The following PEX5 variants were observed in gnomAD, a reference collection of about 807,000 sequenced individuals.
The protein encoded by PEX5 is PTS1 receptor.
Under a neutral mutation model 82.9 loss-of-function variants are expected in PEX5, and 52 were observed. The observed-to-expected ratio is 0.63, with a 90% CI of 0.50 to 0.79. PEX5 has a LOEUF of 0.79. Ranked by LOEUF, PEX5 falls within the 30% of genes least tolerant of loss-of-function variation. The pLI, the probability that PEX5 is intolerant of heterozygous loss-of-function variation, is 0.00. For missense variants in PEX5, 719 were observed against 815.2 expected (o/e 0.88, Z 1.44); for synonymous variants, 300 against 318.8 (o/e 0.94, Z 0.63).
At chr12:7,188,858 A>T (rs144220070), upstream of PEX5, 2 of 152,474 alleles carry the variant, frequency 1.3e-5, no homozygotes, top group African/African-American at 2.4e-5. Flanking sequence ...GTTTGACAGC[A>T]GAGCACACTC....
intron 15 of PEX5, 34 bp downstream of exon 15, chr12:7,209,874 C>A: frequency 6.2e-7 from 1 of 1,612,842 alleles, no homozygotes; most frequent in East Asian, 2.2e-5. Flanking sequence ...AATGAATGAG[C>A]TTTTTCTCCC....
At chr12:7,195,572 A>T (rs1591673237) in intron 5 of PEX5, among the ~76,000 whole-genome samples, 1 of 148,064 alleles carries the variant, frequency 6.8e-6, no homozygotes, top group Admixed American at 6.7e-5. Flanking sequence ...TTAAGTCCTC[A>T]TGTCTGTTGT....
chr12:7,193,190 A>G (rs1052052207), intron 5 of PEX5, among the ~76,000 whole-genome samples: 1 of 152,098 alleles, frequency 6.6e-6, no homozygotes, highest in Non-Finnish European at 1.5e-5. Flanking sequence ...TCATTGAATA[A>G]TAGAGATGAT....
intron 17 of PEX5, among the ~76,000 whole-genome samples, chr12:7,216,763 T>TAATC (rs1945792043): frequency 6.6e-6 from 1 of 152,224 alleles, no homozygotes; most frequent in African/African-American, 2.4e-5. Flanking sequence ...ACGTGACTAT[T>TAATC]AATCACTAGC....
At position 7,203,630 on chromosome 12, in the gene PEX5, G is replaced by T. The variant is rs754628006; in HGVS notation, c.966+79G>T. The T allele has an allele frequency of 2.5e-4, 352 of 1,425,606 alleles. 1 individual carries two copies. In the African/African-American group the frequency reaches 4.7e-3, roughly 19 times the overall value. The allele number at this position is 1,425,606 out of a possible 1,614,324, so 88.3% of individuals were successfully genotyped here. On this transcript the variant is annotated intron_variant, in intron 10 of 15. Coordinates refer to ENST00000675855, the MANE Select transcript of PEX5 (RefSeq NM_001351132.2). ...TCTTTCCTTTAATCCTGAATTTGAA[G>T]GGTGCTTTTAAGTATTTTCTTGAGT...
chr12:7,202,573 G>T, intron 8 of PEX5, 39 bp from the exon 9 acceptor site: 1 of 1,558,338 alleles, frequency 6.4e-7, no homozygotes, highest in South Asian at 1.1e-5. Context: ...TGGATAGAAA[G>T]TTGGTGGTAG....
rs1371621110 is a variant in PEX5, at chr12:7,197,289, TTA to T, written c.449-1716_449-1715del. Among the ~76,000 whole-genome samples, 238 of 134,758 alleles carry T rather than the reference TTA, an allele frequency of 1.8e-3. 37 individuals carry two copies. The highest frequency in any genetic ancestry group is 8.6e-3 in the Middle Eastern group (1 of 116). The allele number at this position is 134,758 out of a possible 152,430, so 88.4% of individuals were successfully genotyped here. A position where few individuals can be genotyped will look rare whatever the true frequency, so the allele number is the denominator to read the frequency against. ...ATATATGTCATATATAATGTAATAA[TTA>T]TATATGTCATATATAATGTAATCAT... On this transcript the variant is annotated intron_variant, in intron 5 of 15. Coordinates refer to ENST00000675855, the MANE Select transcript of PEX5 (RefSeq NM_001351132.2).
intron 5 of PEX5, among the ~76,000 whole-genome samples, chr12:7,198,735 T>A (rs758921461): frequency 6.4e-4 from 98 of 152,334 alleles, no homozygotes; most frequent in African/African-American, 2.2e-3. Context: ...AAAAAGAGTT[T>A]GGTTCTTAAT....
In PEX5 at chr12:7,194,030, T is replaced by G. The variant is rs1163178045; in HGVS notation, c.448+2330T>G. On this transcript the variant is annotated intron_variant, in intron 5 of 15. Transcript: ENST00000675855. ...GGCCTCTGGTATTGAATGAATGAAT[T>G]GAGATCTGGGAGAAAAAGCTAAAGG... Among the ~76,000 whole-genome samples the G allele has an allele frequency of 2.0e-5, 3 of 152,198 alleles. No individual in the cohort carries two copies. In the East Asian group the frequency reaches 5.8e-4, roughly 29 times the overall value.
chr12:7,204,549 G>A (rs995250972), intron 10 of PEX5, among the ~76,000 whole-genome samples: 2 of 152,162 alleles, frequency 1.3e-5, no homozygotes, highest in Non-Finnish European at 2.9e-5. Flanking sequence ...AGACAGCTGG[G>A]ACCTTGCCAT....
chr12:7,218,106 A>T (rs7969751), intron 17 of PEX5, among the ~76,000 whole-genome samples: 44,417 of 151,876 alleles, frequency 0.29, 6,862 homozygotes, highest in South Asian at 0.37. Context: ...GGAGATGGAG[A>T]GAGAAGAAAT....
rs765907654 is a variant in PEX5 at position 7,210,032 on chromosome 12, G to A, written c.1729G>A (p.Glu577Lys). The A allele has an allele frequency of 1.2e-6, 2 of 1,614,178 alleles. No homozygotes were observed. The highest frequency in any genetic ancestry group is 1.1e-5 in the South Asian group (1 of 91,088). The change falls in exon 16 of 16, where the codon GAG (glutamate) becomes AAG (lysine). Residue 577 changes from glutamate (E) to lysine (K), a missense_variant. By Grantham distance (56) the Glu-to-Lys change is moderately conservative. Transcript: ENST00000675855. ...INLGAHREAV[E>K]HFLEALNMQR... The stretch of plus-strand genomic sequence containing the variant: ...TCTTCTTCCTTACAGGGAGGCTGTG[G>A]AGCACTTTCTGGAGGCCCTGAACAT...
intron 5 of PEX5, among the ~76,000 whole-genome samples, chr12:7,197,173 T>A (rs868370611): frequency 1.1e-4 from 8 of 70,560 alleles, no homozygotes; most frequent in Admixed American, 7.5e-4. Flanking sequence ...ATAATGTAAT[T>A]ATATATGTCA....
Position 7,209,834 on chromosome 12 carries a change from C to T in PEX5, c.1712C>T (p.Ala571Val). The change falls in exon 15 of 16, where the codon GCT (alanine) becomes GTT (valine). Residue 571 changes from alanine (A) to valine (V), a missense_variant. By Grantham distance (64) the Ala-to-Val change is moderately conservative. Transcript: ENST00000675855. ...NLGISCINLG[A>V]HREAVEHFLE... Reference sequence around the variant, plus strand: ...GGCATCAGCTGCATCAACCTCGGGGCTCACCGGTGAGAGTATCTATTGAGA... The same window carrying T: ...GGCATCAGCTGCATCAACCTCGGGGTTCACCGGTGAGAGTATCTATTGAGA... The T allele has an allele frequency of 1.2e-6, 2 of 1,614,226 alleles. No homozygotes were observed. Among genetic ancestry groups the T allele is most frequent in the Non-Finnish European group, 1.7e-6 (2 of 1,180,030 alleles).
chr12:7,191,408 G>A, intron 4 of PEX5, 50 bp downstream of exon 4: 1 of 1,612,454 alleles, frequency 6.2e-7, no homozygotes, highest in Non-Finnish European at 8.5e-7. Flanking sequence ...TGTAGCCAGG[G>A]CCAAGGAAGG....
chr12:7,214,269 C>T (rs752082293), downstream of PEX5, among the ~76,000 whole-genome samples: 14 of 152,078 alleles, frequency 9.2e-5, no homozygotes, highest in East Asian at 2.3e-3. Context: ...AAGACGCACA[C>T]GTATGTTTAT....
At position 7,210,260 on chromosome 12, in the gene PEX5, G is replaced by C. The variant is rs771588014; in HGVS notation, c.*37G>C. 6.3e-7 allele frequency: 1 copy of C among 1,591,910 alleles called. No individual in the cohort carries two copies. The highest frequency in any genetic ancestry group is 1.3e-5 in the African/African-American group (1 of 74,466). ...GCTGCCCTGTGAGTGTCCACCTGGAGGGATCCCCGCTTTGGATGTGATTCC... is the reference window on the plus strand; with the variant it reads ...GCTGCCCTGTGAGTGTCCACCTGGACGGATCCCCGCTTTGGATGTGATTCC... On this transcript the variant is annotated 3_prime_UTR_variant, in exon 16 of 16. Coordinates refer to ENST00000675855, the MANE Select transcript of PEX5 (RefSeq NM_001351132.2).
At chr12:7,190,830 A>G (rs1424056574) in intron 2 of PEX5, 58 bp from the exon 3 acceptor site, 43 of 1,540,144 alleles carry the variant, frequency 2.8e-5, no homozygotes, top group Non-Finnish European at 3.7e-5. Context: ...TATGGGCTTC[A>G]TCAACCCCTG....
rs1446059699 is a variant in PEX5, at chr12:7,203,518, C to T, written c.933C>T (p.Asp311=). 3 of 1,613,942 alleles carry T rather than the reference C, an allele frequency of 1.9e-6. No homozygotes were observed. Among genetic ancestry groups the T allele is most frequent in the Non-Finnish European group, 1.7e-6 (2 of 1,179,958 alleles). ...RDAEAHPWLS[D]YDDLTSATYD... ...CTGAGGCCCACCCCTGGCTTTCTGA[C>T]TATGATGACCTTACGTCAGCTACCT... is the stretch of plus-strand genomic sequence containing the variant. Residue 311 remains aspartate (D), a synonymous_variant, in exon 10 of 16, where the codon GAC becomes GAT. Transcript: ENST00000675855.
Sources: allele counts gnomAD v4.1 joint callset (sites outside exome capture counted in the v4.1 genomes callset), GRCh38; gene constraint gnomAD v4.1.1; transcripts MANE v1.5; gene names NCBI Gene and HGNC (gene_info 2026-07-23, HGNC 2026-07-21).